NRXN1: variants seen among roughly 807,000 people sequenced by gnomAD.
NRXN1 encodes neurexin-1.
In NRXN1, 39 loss-of-function variants were observed where a neutral mutation model predicts 150.9. That is an observed-to-expected ratio of 0.26 (90% confidence interval 0.20 to 0.34). The LOEUF (loss-of-function observed/expected upper bound fraction) is 0.34, where lower values mean the gene tolerates loss of function less well. Ranked by LOEUF, NRXN1 falls within the 10% of genes least tolerant of loss-of-function variation. The probability of loss-of-function intolerance (pLI) is 1.00; values close to 1 mark genes in which losing one functional copy is unlikely to be tolerated. For missense variants in NRXN1, 1,815 were observed against 1,949.9 expected (o/e 0.93, Z 1.30); for synonymous variants, 924 against 757.0 (o/e 1.22, Z -3.62).
chr2:50,135,737 G>A (rs1408367803), intron 18 of NRXN1, among the ~76,000 whole-genome samples: 1 of 151,950 alleles, frequency 6.6e-6, no homozygotes, highest in Non-Finnish European at 1.5e-5. Flanking sequence ...AAAAAAAGAA[G>A]CTGCCCAATA....
chr2:51,000,799 T>A (rs1032633125), intron 2 of NRXN1, among the ~76,000 whole-genome samples: 2 of 152,132 alleles, frequency 1.3e-5, no homozygotes, highest in African/African-American at 4.8e-5. Flanking sequence ...TCTGCTTTGT[T>A]AATTTCCAAT....
rs559004966 is a variant in NRXN1, at chr2:50,547,853, A to T, written c.1759+4734T>A. Among the ~76,000 whole-genome samples the T allele has an allele frequency of 4.6e-5, 7 of 152,260 alleles. 1 individual carries two copies. In the South Asian group the frequency reaches 1.5e-3, roughly 32 times the overall value. ...CCCTTTAGTGAGCAGGCAGTGGAAG[A>T]AAGCTGCACTGCACATAAAGAACAG... On this transcript the variant is annotated intron_variant, in intron 9 of 22. Coordinates refer to ENST00000401669, the MANE Select transcript of NRXN1 (RefSeq NM_001330078.2).
intron 15 of NRXN1, among the ~76,000 whole-genome samples, chr2:50,477,527 G>T (rs1336234525): frequency 1.3e-5 from 2 of 152,146 alleles, no homozygotes; most frequent in African/African-American, 4.8e-5. Flanking sequence ...CTTAAAATAG[G>T]AAGCATAAGG....
chr2:50,600,606 T>C (rs1453667022), intron 8 of NRXN1, among the ~76,000 whole-genome samples: 1 of 152,160 alleles, frequency 6.6e-6, no homozygotes, highest in Non-Finnish European at 1.5e-5. Flanking sequence ...ATTACAGGCA[T>C]AAGCCATCAC....
intron 21 of NRXN1, among the ~76,000 whole-genome samples, chr2:49,948,906 T>C (rs2104434979): frequency 6.6e-6 from 1 of 152,096 alleles, no homozygotes; most frequent in South Asian, 2.1e-4. Context: ...TCTCTAACTG[T>C]GCATTTAACC....
chr2:50,374,524 A>G (rs111252548), intron 17 of NRXN1, among the ~76,000 whole-genome samples: 1 of 152,076 alleles, frequency 6.6e-6, no homozygotes, highest in Non-Finnish European at 1.5e-5. Flanking sequence ...CAAGTGGTCA[A>G]GATGTTCACT....
intron 18 of NRXN1, among the ~76,000 whole-genome samples, chr2:50,211,937 C>T (rs1915221): frequency 0.71 from 108,124 of 151,282 alleles, 39,703 homozygotes; most frequent in African/African-American, 0.85. Flanking sequence ...GTACTCTACA[C>T]AAATCTTGCA....
chr2:50,205,550 A>T (rs2152838075), intron 18 of NRXN1, among the ~76,000 whole-genome samples: 1 of 152,180 alleles, frequency 6.6e-6, no homozygotes, highest in Admixed American at 6.6e-5. Flanking sequence ...CATACGGAAT[A>T]TATGTTATAA....
intron 8 of NRXN1, among the ~76,000 whole-genome samples, chr2:50,596,773 C>T (rs1675287218): frequency 6.6e-6 from 1 of 151,424 alleles, no homozygotes; most frequent in African/African-American, 2.4e-5. Flanking sequence ...CATGGACATT[C>T]AGTAGGGATT....
At chr2:50,989,045 G>A (rs146358977) in intron 2 of NRXN1, among the ~76,000 whole-genome samples, 212 of 151,320 alleles carry the variant, frequency 1.4e-3, no homozygotes, top group East Asian at 6.7e-3. Flanking sequence ...AGGAACTTGC[G>A]TCCTGAGAGA....
chr2:50,818,097 C>T (rs1201280533), intron 5 of NRXN1, among the ~76,000 whole-genome samples: 2 of 143,068 alleles, frequency 1.4e-5, no homozygotes, highest in Admixed American at 7.0e-5. Flanking sequence ...ATGTAGAAAA[C>T]CCTAAAGACT....
At chr2:50,080,243 C>T (rs978951346) in intron 19 of NRXN1, among the ~76,000 whole-genome samples, 1 of 152,072 alleles carries the variant, frequency 6.6e-6, no homozygotes, top group African/African-American at 2.4e-5. Context: ...ATTCGCAGAA[C>T]TTTTATTATG....
chr2:50,883,400 C>T (rs1009333437), intron 5 of NRXN1, among the ~76,000 whole-genome samples: 1 of 150,024 alleles, frequency 6.7e-6, no homozygotes, highest in Non-Finnish European at 1.5e-5. Context: ...CAAAGTAGTT[C>T]ACAACATTCA....
intron 17 of NRXN1, among the ~76,000 whole-genome samples, chr2:50,326,178 T>C (rs1220223966): frequency 6.6e-6 from 1 of 152,214 alleles, no homozygotes; most frequent in Non-Finnish European, 1.5e-5. Flanking sequence ...TGTAGTCCAA[T>C]ATTAATATTT....
At chr2:50,710,880 C>T (rs1199777901) in intron 5 of NRXN1, among the ~76,000 whole-genome samples, 1 of 152,118 alleles carries the variant, frequency 6.6e-6, no homozygotes, top group Non-Finnish European at 1.5e-5. Context: ...ATCTTTAGAC[C>T]TTATTAACTA....
chr2:50,669,120 T>A (rs140995961), intron 5 of NRXN1, among the ~76,000 whole-genome samples: 1 of 151,408 alleles, frequency 6.6e-6, no homozygotes, highest in African/African-American at 2.4e-5. Context: ...GAAGAAAGAG[T>A]TTACTCAAAG....
At chr2:50,295,773 A>G (rs975775010) in intron 17 of NRXN1, among the ~76,000 whole-genome samples, 7 of 152,208 alleles carry the variant, frequency 4.6e-5, no homozygotes, top group Admixed American at 2.0e-4. Flanking sequence ...TGAGGAAGTC[A>G]GTAGGCATAA....
chr2:50,702,630 A>G (rs555192939), intron 5 of NRXN1, among the ~76,000 whole-genome samples: 1 of 152,162 alleles, frequency 6.6e-6, no homozygotes, highest in Non-Finnish European at 1.5e-5. Flanking sequence ...ACTTTTCTTG[A>G]TTTTTTTAAA....
intron 5 of NRXN1, among the ~76,000 whole-genome samples, chr2:50,746,357 A>C (rs1344775852): frequency 6.6e-6 from 1 of 152,064 alleles, no homozygotes; most frequent in Admixed American, 6.6e-5. Flanking sequence ...CAGGAGTTTG[A>C]GACCAGCCTG....
Sources: allele counts gnomAD v4.1 joint callset (sites outside exome capture counted in the v4.1 genomes callset), GRCh38; gene constraint gnomAD v4.1.1; transcripts MANE v1.5; gene names NCBI Gene and HGNC (gene_info 2026-07-23, HGNC 2026-07-21).